Variants in TUBGCP6 observed in about 807,000 individuals in gnomAD.
TUBGCP6 encodes the protein tubulin gamma complex component 6.
Under a neutral mutation model 175.8 loss-of-function variants are expected in TUBGCP6, and 161 were observed. The ratio of observed to expected loss-of-function variants is 0.92; its 90% CI spans 0.81 to 1.04. The LOEUF is 1.04. Among genes scored for constraint, TUBGCP6 ranks in the 50% least tolerant of loss-of-function variants. The pLI is 0.00. For missense variants in TUBGCP6, 2,572 were observed against 2,433.0 expected (o/e 1.06, Z -1.20); for synonymous variants, 1,173 against 1,030.5 (o/e 1.14, Z -2.65).
chr22:50,224,940 T>C (rs1372257659), intron 10 of TUBGCP6, among the ~76,000 whole-genome samples: 1 of 151,912 alleles, frequency 6.6e-6, no homozygotes, highest in East Asian at 1.9e-4. Flanking sequence ...AAAAGCAACC[T>C]AATCCTCTGA....
chr22:50,244,047 T>G lies in TUBGCP6; in HGVS notation c.413A>C (p.His138Pro). The G allele has an allele frequency of 6.2e-7, 1 of 1,614,098 alleles. No individual in the cohort carries two copies. The highest frequency in any genetic ancestry group is 1.6e-4 in the Middle Eastern group (1 of 6,062). ...GCTGTACGGAACGTTTCTCCCCACATGCTTGTTGTTAAGGAAGTAGTCTCG... is the reference window on the plus strand; with the variant it reads ...GCTGTACGGAACGTTTCTCCCCACAGGCTTGTTGTTAAGGAAGTAGTCTCG... Reference protein sequence around the residue: ...RKRDYFLNNKHVGRNVPYSGY... With the variant: ...RKRDYFLNNKPVGRNVPYSGY... The change falls in exon 1 of 25, where the codon CAT becomes CCT. Residue 138 changes from histidine (H) to proline (P), a missense_variant. Transcript: ENST00000248846.
At chr22:50,225,431 ACTGT>A (rs2064590795) in intron 10 of TUBGCP6, among the ~76,000 whole-genome samples, 1 of 152,110 alleles carries the variant, frequency 6.6e-6, no homozygotes, top group South Asian at 2.1e-4. Context: ...TGCAGCCAGG[ACTGT>A]CTGTCCACAG....
In TUBGCP6 at chr22:50,244,657, T is replaced by C. The variant is rs1448384953; in HGVS notation, c.-198A>G. ...TACTCAGAGTAAACACGCCCTGCCC[T>C]CCCCAGTCCAAGCACGCTGCCCGGC... On this transcript the variant is annotated 5_prime_UTR_variant, in exon 1 of 25. Transcript: ENST00000248846. 6.8e-6 allele frequency: 6 copies of C among 877,578 alleles called. No individual in the cohort carries two copies. In the East Asian group the frequency reaches 1.1e-4, roughly 17 times the overall value. 54.4% of individuals were successfully genotyped at this position (877,578 alleles called of 1,614,324 possible).
chr22:50,234,276 TCCATGGCAGCATCACCCACACCCAC>T, intron 2 of TUBGCP6, among the ~76,000 whole-genome samples: 2 of 119,350 alleles, frequency 1.7e-5, no homozygotes, highest in Admixed American at 9.9e-5. Context: ...CACACCCCTG[TCCATGGCAGCATCACCCACACCCAC>T]CCATGGCAGC....
Position 50,224,358 on chromosome 22 carries a change from T to G in TUBGCP6, c.2128A>C (p.Lys710Gln). 2 of 1,614,226 alleles carry G rather than the reference T, an allele frequency of 1.2e-6. No individual in the cohort carries two copies. Among genetic ancestry groups the G allele is most frequent in the Non-Finnish European group, 1.7e-6 (2 of 1,180,040 alleles). ...TCCTGGTCCTTCACAAATTGTTCTT[T>G]CAGCCTCTGAAACTGCTCACGCTTC... ...ARKREQFQRLKEQFVKDQERR... is the reference protein window; with the variant it reads ...ARKREQFQRLQEQFVKDQERR... Residue 710 changes from lysine to glutamine, a missense_variant, in exon 12 of 25, where the codon AAA becomes CAA. Transcript: ENST00000248846.
intron 4 of TUBGCP6, 76 bp downstream of exon 4, chr22:50,229,328 C>T: frequency 6.6e-7 from 1 of 1,516,188 alleles, no homozygotes; most frequent in Non-Finnish European, 9.0e-7. Context: ...GCAGAAGGAC[C>T]TCTGAGATTC....
Position 50,219,462 on chromosome 22 carries a change from G to A in TUBGCP6, c.4316-6C>T. The A allele has an allele frequency of 6.3e-7, 1 of 1,585,552 alleles. No individual in the cohort carries two copies. ...ATGAGCAATGGGCGGCTCGGCTGCG[G>A]GAGATGGAGCACGCACGTGCTGGGA... On this transcript the variant is annotated splice_polypyrimidine_tract_variant and splice_region_variant and intron_variant, in intron 18 of 24. Coordinates refer to ENST00000248846, the MANE Select transcript of TUBGCP6 (RefSeq NM_020461.4).
intron 10 of TUBGCP6, among the ~76,000 whole-genome samples, 167 bp from the exon 11 acceptor site, chr22:50,224,759 T>C (rs1332497740): frequency 6.6e-6 from 1 of 152,010 alleles, no homozygotes; most frequent in Non-Finnish European, 1.5e-5. Flanking sequence ...ATACAAAAAT[T>C]AGCCAGGTGT....
At chr22:50,242,080 G>A (rs544923874) in intron 1 of TUBGCP6, among the ~76,000 whole-genome samples, 52 of 151,552 alleles carry the variant, frequency 3.4e-4, no homozygotes, top group African/African-American at 1.1e-3. Flanking sequence ...ATCACGAGGT[G>A]AGGAGATAGA....
At position 50,219,030 on chromosome 22, in the gene TUBGCP6, C is replaced by T. The variant is rs762331176; in HGVS notation, c.4626+38G>A. Reference sequence around the variant, plus strand: ...CCAGTCTCTCTTTTCCCACGGCCTCCCCTCTACCACTGGCCCCACCCCGTG... The same window carrying T: ...CCAGTCTCTCTTTTCCCACGGCCTCTCCTCTACCACTGGCCCCACCCCGTG... On this transcript the variant is annotated intron_variant, in intron 20 of 24. Transcript: ENST00000248846. 6 of 1,608,938 alleles carry T rather than the reference C, an allele frequency of 3.7e-6. No individual in the cohort carries two copies. The African/African-American group carries it at 5.3e-5, about 14-fold the overall frequency.
At chr22:50,233,653 A>T in intron 2 of TUBGCP6, 127 bp from the exon 3 acceptor site, 1 of 935,680 alleles carries the variant, frequency 1.1e-6, no homozygotes, top group Non-Finnish European at 1.6e-6. Context: ...AAACTCTAAG[A>T]AACATAGCCA....
At chr22:50,233,650 A>G (rs1210226409) in intron 2 of TUBGCP6, 124 bp from the exon 3 acceptor site, 3 of 957,116 alleles carry the variant, frequency 3.1e-6, no homozygotes, top group Non-Finnish European at 4.7e-6. Flanking sequence ...AATAAACTCT[A>G]AGAAACATAG....
rs376881715 is a variant in TUBGCP6, at chr22:50,218,826, C to T, written c.4698G>A (p.Leu1566=). 3.6e-5 allele frequency: 58 copies of T among 1,614,024 alleles called. No individual in the cohort carries two copies. Among genetic ancestry groups the T allele is most frequent in the Non-Finnish European group, 4.7e-5 (55 of 1,180,032 alleles). ...GGGTGTCCCCATGCAGGCTGCACTGCAGGGCCTTGCTCAGCACAGAGTTCA... is the reference window on the plus strand; with the variant it reads ...GGGTGTCCCCATGCAGGCTGCACTGTAGGGCCTTGCTCAGCACAGAGTTCA... ...LVLNSVLSKA[L]QCSLHGDTPH... The change falls in exon 21 of 25, where the codon CTG becomes CTA. Residue 1566 remains leucine (L), a synonymous_variant. Coordinates refer to ENST00000248846, the MANE Select transcript of TUBGCP6 (RefSeq NM_020461.4).
rs724159975 is a variant in TUBGCP6 at position 50,224,196 on chromosome 22, G to C, written c.2215C>G (p.Arg739Gly). The change falls in exon 13 of 25, where the codon CGA becomes GGA. Residue 739 changes from arginine (R) to glycine (G), a missense_variant. By Grantham distance (125) the Arg-to-Gly change is moderately radical (BLOSUM62 -2). Transcript: ENST00000248846. ...GACTTCAGCCTTCTCTCCCTGTCTC[G>C]GAGTTCACGGGCGTAGCTGAAGTCA... ...DDDFSYAREL[R>G]DRERRLKSLE... The C allele has an allele frequency of 1.2e-6, 2 of 1,613,914 alleles. 1 individual carries two copies. Among genetic ancestry groups the C allele is most frequent in the South Asian group, 2.2e-5 (2 of 91,078 alleles).
chr22:50,228,026 G>A lies in TUBGCP6; in HGVS notation c.1293C>T (p.Ala431=). Residue 431 remains alanine, a splice_region_variant and synonymous_variant, in exon 5 of 25, where the codon GCC becomes GCT. Transcript: ENST00000248846. ...SLYSKGLVFQ[A]FTSGLRRYLQ... ...GGTACCTCCTCAGGCCACTGGTGAA[G>A]GCCTGTGGGCAAAGAGGCTGGGAGG... 6.5e-7 allele frequency: 1 copy of A among 1,547,286 alleles called. No individual in the cohort carries two copies. The highest frequency in any genetic ancestry group is 8.7e-7 in the Non-Finnish European group (1 of 1,144,578).
intron 7 of TUBGCP6, 92 bp downstream of exon 7, chr22:50,226,641 C>T: frequency 8.6e-7 from 1 of 1,160,006 alleles, no homozygotes; most frequent in Non-Finnish European, 1.2e-6. Flanking sequence ...TGTGTGACCC[C>T]CACATTCAGC....
At chr22:50,229,297 A>G in intron 4 of TUBGCP6, 107 bp downstream of exon 4, 1 of 1,244,832 alleles carries the variant, frequency 8.0e-7, no homozygotes, top group Non-Finnish European at 1.1e-6. Flanking sequence ...AGGAAAGAAA[A>G]GGTTTAGACT....
rs756412879 is a variant in TUBGCP6 at position 50,218,188 on chromosome 22, C to T, written c.5168+1G>A. 2 of 1,611,606 alleles carry T rather than the reference C, an allele frequency of 1.2e-6. No homozygotes were observed. The highest frequency in any genetic ancestry group is 1.1e-5 in the South Asian group (1 of 91,072). On this transcript the variant is annotated splice_donor_variant, in intron 23 of 24. Transcript: ENST00000248846. LOFTEE classifies it high-confidence loss of function. ...GGACGCAGCCGCTGCCCAGGCCTCACCTGAAGACGGCCTTGTGCAGGTACT... is the reference window on the plus strand; with the variant it reads ...GGACGCAGCCGCTGCCCAGGCCTCATCTGAAGACGGCCTTGTGCAGGTACT...
At chr22:50,240,131 C>A (rs747309828) in intron 2 of TUBGCP6, 73 bp downstream of exon 2, 14 of 1,593,834 alleles carry the variant, frequency 8.8e-6, no homozygotes, top group South Asian at 1.1e-5. Flanking sequence ...CAACGCCCCC[C>A]ACACACCCCA....
Sources: allele counts gnomAD v4.1 joint callset (sites outside exome capture counted in the v4.1 genomes callset), GRCh38; gene constraint gnomAD v4.1.1; transcripts MANE v1.5; gene names NCBI Gene and HGNC (gene_info 2026-07-23, HGNC 2026-07-21).